The following ARHGAP15 variants were observed in gnomAD, a reference collection of about 807,000 sequenced individuals.
ARHGAP15 encodes the protein Rho GTPase activating protein 15.
A neutral mutation model predicts 63.7 loss-of-function variants in ARHGAP15; 51 were observed. The observed-to-expected ratio is 0.80, with a 90% CI of 0.64 to 1.01. ARHGAP15 has a LOEUF of 1.01. Among genes scored for constraint, ARHGAP15 ranks in the 50% least tolerant of loss-of-function variants. The pLI, the probability that ARHGAP15 is intolerant of heterozygous loss-of-function variation, is 0.00. For synonymous variants in ARHGAP15, 191 were observed against 193.8 expected, an observed-to-expected ratio of 0.99 and a Z score of 0.12; for missense variants, 560 against 564.6, an observed-to-expected ratio of 0.99 and a Z score of 0.08.
chr2:143,272,052 G>C (rs952232182), intron 6 of ARHGAP15, among the ~76,000 whole-genome samples: 3 of 152,106 alleles, frequency 2.0e-5, no homozygotes, highest in African/African-American at 7.2e-5. Context: ...TTAAATCGCC[G>C]GTCATTGTTG....
intron 5 of ARHGAP15, among the ~76,000 whole-genome samples, chr2:143,230,660 T>A (rs1190002671): frequency 6.6e-6 from 1 of 152,230 alleles, no homozygotes. Context: ...CTGCATGAAT[T>A]GACTTGCTAG....
intron 13 of ARHGAP15, among the ~76,000 whole-genome samples, chr2:143,736,635 A>G (rs537419776): frequency 1.3e-5 from 2 of 152,192 alleles, no homozygotes; most frequent in Non-Finnish European, 2.9e-5. Flanking sequence ...TGGGTAATAT[A>G]TATTAGGTGT....
chr2:143,272,184 C>G (rs1310818971), intron 6 of ARHGAP15, among the ~76,000 whole-genome samples: 1 of 152,162 alleles, frequency 6.6e-6, no homozygotes. Context: ...CCCCAGAAAA[C>G]AGGTCACACA....
chr2:143,218,767 T>C (rs757657526), intron 4 of ARHGAP15, among the ~76,000 whole-genome samples: 1 of 152,178 alleles, frequency 6.6e-6, no homozygotes. Context: ...CAAGCCTAGA[T>C]GGTATGTGAT....
At chr2:143,645,920 G>A (rs952005408) in intron 12 of ARHGAP15, among the ~76,000 whole-genome samples, 5 of 151,996 alleles carry the variant, frequency 3.3e-5, no homozygotes, top group Middle Eastern at 3.2e-3. Flanking sequence ...ATTCCCATTC[G>A]TTAGATGAGG....
chr2:143,667,591 A>ATT (rs746457436), intron 12 of ARHGAP15, among the ~76,000 whole-genome samples: 56,048 of 147,732 alleles, frequency 0.38, 11,000 homozygotes, highest in Non-Finnish European at 0.45. Flanking sequence ...TTAAAAAAAA[A>ATT]AAAAAAAAAA....
chr2:143,490,285 C>T (rs1692530224), intron 9 of ARHGAP15, among the ~76,000 whole-genome samples: 2 of 152,180 alleles, frequency 1.3e-5, no homozygotes, highest in Non-Finnish European at 2.9e-5. Flanking sequence ...AGGCATGAGC[C>T]ACCACGCCCG....
At position 143,506,543 on chromosome 2, in the gene ARHGAP15, A is replaced by G. The variant is rs549624112; in HGVS notation, c.827-12723A>G. On this transcript the variant is annotated intron_variant, in intron 9 of 13. Coordinates refer to ENST00000295095, the MANE Select transcript of ARHGAP15 (RefSeq NM_018460.4). The stretch of plus-strand genomic sequence containing the variant: ...TGTAAAGAACATACAAATATGGGAG[A>G]AGGTAGCAGAACTTAACATTTGAAT... Among the ~76,000 whole-genome samples, 3 of 152,280 alleles carry G rather than the reference A, an allele frequency of 2.0e-5. No homozygotes were observed. The East Asian group carries it at 5.8e-4, about 29-fold the overall frequency.
intron 8 of ARHGAP15, among the ~76,000 whole-genome samples, chr2:143,472,573 CCT>C (rs1483683674): frequency 6.6e-6 from 1 of 151,932 alleles, no homozygotes; most frequent in East Asian, 1.9e-4. Flanking sequence ...TTATTCATAT[CCT>C]CTTTCTGTTT....
chr2:143,420,263 T>G (rs1688862016), intron 6 of ARHGAP15, among the ~76,000 whole-genome samples: 1 of 152,024 alleles, frequency 6.6e-6, no homozygotes, highest in East Asian at 1.9e-4. Context: ...AGCCTGCAAA[T>G]TTTGGAAAAT....
At chr2:143,737,726 T>TTTTATTTATTTA (rs142591625) in intron 13 of ARHGAP15, among the ~76,000 whole-genome samples, 4 of 146,800 alleles carry the variant, frequency 2.7e-5, no homozygotes, top group Middle Eastern at 3.5e-3. Context: ...AACCTATTTA[T>TTTTATTTATTTA]TTTATTTATT....
intron 6 of ARHGAP15, among the ~76,000 whole-genome samples, chr2:143,298,796 TAATTA>T (rs746977306): frequency 1.8e-4 from 28 of 151,982 alleles, no homozygotes; most frequent in East Asian, 1.4e-3. Context: ...TTGAATTTAA[TAATTA>T]AATTATCAAA....
intron 13 of ARHGAP15, among the ~76,000 whole-genome samples, chr2:143,729,640 C>G (rs890613277): frequency 6.6e-6 from 1 of 152,178 alleles, no homozygotes; most frequent in Non-Finnish European, 1.5e-5. Flanking sequence ...AATATGAGAT[C>G]TGTGAAAAAC....
intron 12 of ARHGAP15, among the ~76,000 whole-genome samples, chr2:143,649,588 G>A (rs1158571735): frequency 6.6e-6 from 1 of 151,942 alleles, no homozygotes; most frequent in African/African-American, 2.4e-5. Context: ...TTCATCATCT[G>A]TTATTGCTTG....
At chr2:143,689,103 T>TC (rs1248605730) in intron 12 of ARHGAP15, among the ~76,000 whole-genome samples, 7 of 152,172 alleles carry the variant, frequency 4.6e-5, no homozygotes, top group South Asian at 2.1e-4. Context: ...TTCCAACATG[T>TC]CTTCTTTCTC....
chr2:143,578,333 G>A (rs1696756458), intron 11 of ARHGAP15, among the ~76,000 whole-genome samples: 1 of 152,080 alleles, frequency 6.6e-6, no homozygotes, highest in South Asian at 2.1e-4. Flanking sequence ...CAAGTACCAA[G>A]ATATTTAATA....
intron 6 of ARHGAP15, among the ~76,000 whole-genome samples, chr2:143,379,516 T>TGTG (rs1686969249): frequency 6.6e-6 from 1 of 151,250 alleles, no homozygotes; most frequent in African/African-American, 2.4e-5. Flanking sequence ...TGTGTGTGTG[T>TGTG]GTGTGTGTGT....
At chr2:143,172,475 T>G (rs561070860) in intron 2 of ARHGAP15, among the ~76,000 whole-genome samples, 1 of 152,072 alleles carries the variant, frequency 6.6e-6, no homozygotes, top group African/African-American at 2.4e-5. Context: ...GGGGACACTA[T>G]TAAGGAGCCT....
intron 6 of ARHGAP15, among the ~76,000 whole-genome samples, chr2:143,331,187 C>G (rs1684531765): frequency 6.6e-6 from 1 of 152,010 alleles, no homozygotes; most frequent in Non-Finnish European, 1.5e-5. Context: ...TATATTTTTC[C>G]CCCTGGGAAC....
Sources: gnomAD v4.1 joint callset for allele counts (sites outside exome capture counted in the v4.1 genomes callset) on GRCh38, gnomAD v4.1.1 for gene constraint, MANE v1.5 for transcripts, NCBI Gene and HGNC (gene_info 2026-07-23, HGNC 2026-07-21) for gene names.